Variants in FGF12 observed in about 807,000 individuals in gnomAD.
FGF12 encodes the protein fibroblast growth factor 12.
In FGF12, 14 loss-of-function variants were observed where a neutral mutation model predicts 23.6. The observed-to-expected ratio is 0.59, with a 90% CI of 0.39 to 0.93. FGF12 has a LOEUF of 0.93. Among genes scored for constraint, FGF12 ranks in the 40% least tolerant of loss-of-function variants. The pLI is 0.00. For missense variants in FGF12, 175 were observed against 217.8 expected (o/e 0.80, Z 1.24); for synonymous variants, 62 against 77.3 (o/e 0.80, Z 1.04).
intron 2 of FGF12, among the ~76,000 whole-genome samples, chr3:192,599,501 T>C (rs561980450): frequency 6.6e-6 from 1 of 152,210 alleles, no homozygotes; most frequent in Non-Finnish European, 1.5e-5. Flanking sequence ...TTAGAATGTA[T>C]ACCACAGTGC....
In FGF12 at chr3:192,727,206, C is replaced by A; in HGVS notation, c.-13G>T. Reference sequence around the variant, plus strand: ...CTTTGCTCTCCATTTCGGTCCCTTTCGAGTGCTGGGAAGTTCAATGGAAGT... The same window carrying A: ...CTTTGCTCTCCATTTCGGTCCCTTTAGAGTGCTGGGAAGTTCAATGGAAGT... On this transcript the variant is annotated 5_prime_UTR_variant, in exon 2 of 6. Coordinates refer to ENST00000445105, the MANE Select transcript of FGF12 (RefSeq NM_004113.6). 6.3e-7 allele frequency: 1 copy of A among 1,578,178 alleles called. No individual in the cohort carries two copies. Among genetic ancestry groups the A allele is most frequent in the Non-Finnish European group, 8.6e-7 (1 of 1,161,750 alleles).
At chr3:192,538,746 C>A (rs970756465) in intron 2 of FGF12, among the ~76,000 whole-genome samples, 1 of 152,116 alleles carries the variant, frequency 6.6e-6, no homozygotes, top group Non-Finnish European at 1.5e-5. Flanking sequence ...AATATTTTAA[C>A]AATATTGATT....
At chr3:192,638,855 G>T (rs548468307) in intron 2 of FGF12, among the ~76,000 whole-genome samples, 1 of 152,272 alleles carries the variant, frequency 6.6e-6, no homozygotes, top group East Asian at 1.9e-4. Flanking sequence ...TTCCCAGGAG[G>T]CATTGAAGAA....
chr3:192,543,680 T>A lies in FGF12; in HGVS notation c.14-183142A>T, dbSNP rs1159796655. On this transcript the variant is annotated intron_variant, in intron 2 of 5. Transcript: ENST00000445105. ...AGGCCCACAGCGAGTACTGCCCAGC[T>A]ACCACTGCTGAAAGTTCAAGGCCCA... 2.0e-5 allele frequency among the ~76,000 whole-genome samples: 3 copies of A among 152,154 alleles called. No individual in the cohort carries two copies. The East Asian group carries it at 5.8e-4, about 30-fold the overall frequency.
chr3:192,236,604 T>A (rs1448875213), intron 4 of FGF12, among the ~76,000 whole-genome samples: 3 of 152,198 alleles, frequency 2.0e-5, no homozygotes, highest in African/African-American at 7.2e-5. Context: ...CATTATGAAA[T>A]TCCCTTATTT....
intron 4 of FGF12, among the ~76,000 whole-genome samples, chr3:192,259,766 G>A (rs1218225712): frequency 7.9e-5 from 12 of 152,018 alleles, no homozygotes; most frequent in Admixed American, 5.2e-4. Flanking sequence ...ACAAAATAGT[G>A]GAAATAGTTT....
chr3:192,561,493 G>A (rs530776115), intron 2 of FGF12, among the ~76,000 whole-genome samples: 40 of 152,162 alleles, frequency 2.6e-4, no homozygotes, highest in African/African-American at 9.4e-4. Flanking sequence ...CTTCTGAGTA[G>A]CTGGGACTAC....
chr3:192,713,072 C>T (rs907876921), intron 2 of FGF12, among the ~76,000 whole-genome samples: 1 of 151,776 alleles, frequency 6.6e-6, no homozygotes, highest in African/African-American at 2.4e-5. Context: ...CAGTTATCAA[C>T]CACAGAAAAA....
chr3:192,659,206 CATAAAA>C (rs1409741992), intron 2 of FGF12, among the ~76,000 whole-genome samples: 7 of 152,146 alleles, frequency 4.6e-5, no homozygotes, highest in African/African-American at 1.7e-4. Flanking sequence ...AGTGTGACAT[CATAAAA>C]ATAAAGTGTT....
At chr3:192,577,153 A>G (rs1454901128) in intron 2 of FGF12, among the ~76,000 whole-genome samples, 1 of 152,210 alleles carries the variant, frequency 6.6e-6, no homozygotes, top group Non-Finnish European at 1.5e-5. Flanking sequence ...GTGTATACCT[A>G]TGTAACAAAC....
chr3:192,288,212 C>T (rs972086059), intron 4 of FGF12, among the ~76,000 whole-genome samples: 6 of 151,944 alleles, frequency 3.9e-5, no homozygotes, highest in East Asian at 1.9e-4. Flanking sequence ...GACAAAGATG[C>T]GTCATTCACA....
At chr3:192,674,112 T>A (rs1221989551) in intron 2 of FGF12, among the ~76,000 whole-genome samples, 1 of 150,990 alleles carries the variant, frequency 6.6e-6, no homozygotes, top group African/African-American at 2.4e-5. Context: ...ATACTCAGGA[T>A]TTTTTTGTGC....
chr3:192,598,471 C>T (rs1329666889), intron 2 of FGF12, among the ~76,000 whole-genome samples: 2 of 152,060 alleles, frequency 1.3e-5, no homozygotes, highest in Non-Finnish European at 2.9e-5. Context: ...TCCTAAAGTG[C>T]AAGGTATTCT....
chr3:192,516,479 A>G (rs1248249572), intron 2 of FGF12: 1 of 152,246 alleles, frequency 6.6e-6, no homozygotes, highest in Non-Finnish European at 1.5e-5. Context: ...TCTCTTATAT[A>G]GGCTAAACAT....
intron 4 of FGF12, among the ~76,000 whole-genome samples, chr3:192,176,677 A>C (rs1715880478): frequency 6.6e-6 from 1 of 152,254 alleles, no homozygotes. Context: ...AAGATTAAGT[A>C]AAATGACAAA....
intron 4 of FGF12, among the ~76,000 whole-genome samples, chr3:192,249,558 G>A (rs905765511): frequency 3.3e-5 from 5 of 151,718 alleles, no homozygotes; most frequent in South Asian, 2.1e-4. Context: ...TTCTCAACAC[G>A]TAGAATCAGG....
chr3:192,570,132 C>G (rs931802153), intron 2 of FGF12, among the ~76,000 whole-genome samples: 5 of 152,034 alleles, frequency 3.3e-5, no homozygotes, highest in Admixed American at 6.6e-5. Context: ...TAGCAAGGTC[C>G]AGGCTTGAGC....
Position 192,408,168 on chromosome 3 carries a change from G to C in FGF12, c.14-47630C>G. The stretch of plus-strand genomic sequence containing the variant: ...GGAGGCCGACACTCGGTCGCTGTTG[G>C]ACTCCCTCGCCTGCCGCTTCTGCCG... On this transcript the variant is annotated intron_variant, in intron 2 of 5. Coordinates refer to ENST00000445105, the MANE Select transcript of FGF12 (RefSeq NM_004113.6). This position sits in a 1 kb window ranked among gnomAD's most constrained non-coding sequence, Gnocchi z 7.3. The C allele has an allele frequency of 6.2e-7, 1 of 1,610,098 alleles. No homozygotes were observed. The highest frequency in any genetic ancestry group is 8.5e-7 in the Non-Finnish European group (1 of 1,179,860).
intron 2 of FGF12, among the ~76,000 whole-genome samples, chr3:192,638,237 G>C (rs1340574404): frequency 6.6e-6 from 1 of 152,182 alleles, no homozygotes; most frequent in African/African-American, 2.4e-5. Flanking sequence ...ACAACTATTA[G>C]TGAATTATTG....
Sources: gnomAD v4.1 joint callset for allele counts (sites outside exome capture counted in the v4.1 genomes callset) on GRCh38, gnomAD v4.1.1 for gene constraint, Gnocchi (gnomAD v3.1) non-coding constraint, MANE v1.5 for transcripts, NCBI Gene and HGNC (gene_info 2026-07-23, HGNC 2026-07-21) for gene names.